Variants in BBX observed in about 807,000 individuals in gnomAD.
BBX encodes the protein BBX high mobility group box domain containing.
BBX carries 30 observed loss-of-function variants against 100.2 expected under a neutral mutation model. The observed-to-expected ratio is 0.30, with a 90% CI of 0.22 to 0.41. The LOEUF (loss-of-function observed/expected upper bound fraction) is 0.41. BBX is among the 10% of genes least tolerant of loss of function. The pLI is 1.00. For synonymous variants in BBX, 376 were observed against 388.1 expected (o/e 0.97, Z 0.37); for missense variants, 1,023 against 1,129.8 (o/e 0.91, Z 1.35).
chr3:107,659,779 G>A, intron 3 of BBX: 1 of 1,269,854 alleles, frequency 7.9e-7, no homozygotes, highest in Non-Finnish European at 1.0e-6. Flanking sequence ...ACGTAAGTGT[G>A]TAGATACAGA....
intron 13 of BBX, among the ~76,000 whole-genome samples, chr3:107,783,127 C>T (rs1297395147): frequency 6.6e-6 from 1 of 152,016 alleles, no homozygotes; most frequent in Non-Finnish European, 1.5e-5. Flanking sequence ...AGACAAAATA[C>T]CCAACATATA....
intron 3 of BBX, among the ~76,000 whole-genome samples, chr3:107,671,508 A>G (rs1226335255): frequency 1.3e-5 from 2 of 152,088 alleles, no homozygotes; most frequent in Admixed American, 6.6e-5. Context: ...TCTCAATGTT[A>G]TTCACAAGCT....
Position 107,645,897 on chromosome 3 carries a change from C to G in BBX, c.-22C>G, listed in dbSNP as rs2057486922. The G allele has an allele frequency of 6.6e-6, 1 of 152,576 alleles. No homozygotes were observed. The highest frequency in any genetic ancestry group is 1.5e-5 in the Non-Finnish European group (1 of 68,028). The allele number at this position is 152,576 out of a possible 1,614,324, so 9.5% of individuals were successfully genotyped here. On this transcript the variant is annotated 5_prime_UTR_variant, in exon 3 of 18. Transcript: ENST00000325805. ...TTCCACTGAAATCACAATGGAAAGT[C>G]TTGACTTGACTGGTAAGAGCTGTTG...
Position 107,570,052 on chromosome 3 carries a change from C to T in BBX, c.-84+43654C>T, listed in dbSNP as rs148928730. Among the ~76,000 whole-genome samples the T allele has an allele frequency of 7.9e-5, 12 of 152,266 alleles. No homozygotes were observed. The Middle Eastern group carries it at 0.01, about 129-fold the overall frequency. ...ATAGAACATGGCTTAGGAGGAATCC[C>T]GGGCTGCAGGCATTCCTTGGCCCAG... On this transcript the variant is annotated intron_variant, in intron 2 of 17. Transcript: ENST00000325805.
rs1027158041 is a variant in BBX, at chr3:107,809,508, C to T, written c.*4051C>T. On this transcript the variant is annotated 3_prime_UTR_variant, in exon 18 of 18. Coordinates refer to ENST00000325805, the MANE Select transcript of BBX (RefSeq NM_001142568.3). ...TTCAATTGCACTGCTCCACAGAGCC[C>T]TCATATAAGGCCAATCCTAATGGGC... The T allele has an allele frequency of 6.6e-6, 1 of 152,146 alleles. No homozygotes were observed. The highest frequency in any genetic ancestry group is 2.1e-4 in the South Asian group (1 of 4,824). The allele number at this position is 152,146 out of a possible 1,614,324, so 9.4% of individuals were successfully genotyped here.
chr3:107,605,597 C>G (rs2054374107), intron 2 of BBX, among the ~76,000 whole-genome samples: 2 of 152,122 alleles, frequency 1.3e-5, no homozygotes, highest in Admixed American at 1.3e-4. Flanking sequence ...TCCCTTCCTT[C>G]TCCTACCACC....
chr3:107,635,733 G>A (rs932365743), intron 2 of BBX, among the ~76,000 whole-genome samples: 22 of 148,778 alleles, frequency 1.5e-4, no homozygotes, highest in Middle Eastern at 3.4e-3. Context: ...TTTTTTTTGG[G>A]ATGGATTCTC....
rs547281105 is a variant in BBX, at chr3:107,589,956, G to T, written c.-83-55880G>T. Among the ~76,000 whole-genome samples, 3 of 151,998 alleles carry T rather than the reference G, an allele frequency of 2.0e-5. No individual in the cohort carries two copies. In the South Asian group the frequency reaches 6.2e-4, roughly 32 times the overall value. ...TTTTATTGCTTTCTATCATTTTGGG[G>T]TCTAATATGGTACTTTCATTTTTTT... On this transcript the variant is annotated intron_variant, in intron 2 of 17. Transcript: ENST00000325805.
chr3:107,704,718 T>A (rs112987982), intron 3 of BBX, among the ~76,000 whole-genome samples: 1 of 152,144 alleles, frequency 6.6e-6, no homozygotes, highest in African/African-American at 2.4e-5. Context: ...TTGCCTCTTG[T>A]TAGGCCCTAC....
chr3:107,709,526 C>T (rs1433025473), intron 3 of BBX, among the ~76,000 whole-genome samples: 2 of 152,160 alleles, frequency 1.3e-5, no homozygotes, highest in East Asian at 3.8e-4. Flanking sequence ...CATTCATGAA[C>T]CATTTAAACC....
Position 107,599,538 on chromosome 3 carries a change from G to A in BBX, c.-83-46298G>A, listed in dbSNP as rs966938471. ...TGAATTTTGTTGTCACATCGTGCCG[G>A]TGTTATAACCAGCTCTGTAGACTGC... On this transcript the variant is annotated intron_variant, in intron 2 of 17. Transcript: ENST00000325805. The A allele has an allele frequency of 2.0e-5, 3 of 152,244 alleles. No individual in the cohort carries two copies. In the East Asian group the frequency reaches 5.8e-4, roughly 29 times the overall value. The allele number at this position is 152,244 out of a possible 1,614,324, so 9.4% of individuals were successfully genotyped here.
chr3:107,668,528 T>G lies in BBX; in HGVS notation c.-10+22619T>G, dbSNP rs187289093. 6.6e-5 allele frequency among the ~76,000 whole-genome samples: 10 copies of G among 152,334 alleles called. No homozygotes were observed. In the East Asian group the frequency reaches 1.9e-3, roughly 29 times the overall value. On this transcript the variant is annotated intron_variant, in intron 3 of 17. Transcript: ENST00000325805. Reference sequence around the variant, plus strand: ...ACATTGGGCTTGCGTTTTCATCCCTTAGTAACCAGCTACCTGCTAAGAACC... The same window carrying G: ...ACATTGGGCTTGCGTTTTCATCCCTGAGTAACCAGCTACCTGCTAAGAACC...
In BBX at chr3:107,716,636, G is replaced by C. The variant is rs377216695; in HGVS notation, c.192G>C (p.Glu64Asp). ...KVQLLGADGL[E>D]QDVGETEDDE... is the part of the protein sequence containing the mutation. ...AACTTCTTGGGGCCGATGGCCTAGAGCAAGATGTTGGTGAAACTGAAGATG... is the reference window on the plus strand; with the variant it reads ...AACTTCTTGGGGCCGATGGCCTAGACCAAGATGTTGGTGAAACTGAAGATG... Residue 64 changes from glutamate to aspartate, a missense_variant, in exon 5 of 18, where the codon GAG becomes GAC. By Grantham distance (45) the Glu-to-Asp change is conservative. Around this residue, in one of 9 missense-constraint regions of BBX, gnomAD observed 229 missense variants for 226.3 expected, o/e 1.01. Transcript: ENST00000325805. The C allele has an allele frequency of 6.2e-6, 10 of 1,613,682 alleles. No homozygotes were observed. Among genetic ancestry groups the C allele is most frequent in the Non-Finnish European group, 7.6e-6 (9 of 1,179,768 alleles).
intron 2 of BBX, among the ~76,000 whole-genome samples, chr3:107,572,910 T>G (rs2051479486): frequency 6.6e-6 from 1 of 152,188 alleles, no homozygotes; most frequent in Non-Finnish European, 1.5e-5. Flanking sequence ...ATGTGTTTCT[T>G]GGCTTATTTA....
intron 2 of BBX, among the ~76,000 whole-genome samples, chr3:107,542,331 A>G (rs537665458): frequency 2.0e-5 from 3 of 152,324 alleles, no homozygotes; most frequent in East Asian, 3.9e-4. Flanking sequence ...ATAGATTGTC[A>G]TTACTTCAAC....
At chr3:107,596,251 G>T (rs115552628) in intron 2 of BBX, among the ~76,000 whole-genome samples, 1 of 152,016 alleles carries the variant, frequency 6.6e-6, no homozygotes, top group Non-Finnish European at 1.5e-5. Flanking sequence ...GAATGCAGGG[G>T]TTGGGGGCAG....
At chr3:107,625,349 C>T (rs1417521108) in intron 2 of BBX, among the ~76,000 whole-genome samples, 1 of 152,194 alleles carries the variant, frequency 6.6e-6, no homozygotes, top group Admixed American at 6.5e-5. Context: ...ACAATCTCAG[C>T]TCACTGCAAC....
At chr3:107,636,160 T>G (rs568856832) in intron 2 of BBX, among the ~76,000 whole-genome samples, 1 of 152,324 alleles carries the variant, frequency 6.6e-6, no homozygotes, top group South Asian at 2.1e-4. Context: ...CCAGCTGCAG[T>G]GTTCACGAAG....
intron 13 of BBX, among the ~76,000 whole-genome samples, chr3:107,781,447 A>G (rs1001027453): frequency 6.6e-6 from 1 of 152,030 alleles, no homozygotes; most frequent in Non-Finnish European, 1.5e-5. Flanking sequence ...TTCTAATCTA[A>G]CTCACAATGC....
Sources: allele counts gnomAD v4.1 joint callset (sites outside exome capture counted in the v4.1 genomes callset), GRCh38; gene constraint gnomAD v4.1.1; regional missense constraint gnomAD v4.1.1; transcripts MANE v1.5; gene names NCBI Gene and HGNC (gene_info 2026-07-23, HGNC 2026-07-21).